GLRA2: variants seen among roughly 807,000 people sequenced by gnomAD.
GLRA2 encodes the protein glycine receptor alpha 2.
A neutral mutation model predicts 31.6 loss-of-function variants in GLRA2; 11 were observed. The ratio of observed to expected loss-of-function variants is 0.35; its 90% CI spans 0.22 to 0.58. The LOEUF is 0.58. Ranked by LOEUF, GLRA2 falls within the 20% of genes least tolerant of loss-of-function variation. The probability of loss-of-function intolerance (pLI) is 0.84; values close to 1 mark genes in which losing one functional copy is unlikely to be tolerated. For missense variants in GLRA2, 212 were observed against 351.8 expected, an observed-to-expected ratio of 0.60 and a Z score of 3.18; for synonymous variants, 132 against 134.0, an observed-to-expected ratio of 0.99 and a Z score of 0.10.
the GLRA2 span, among the ~76,000 whole-genome samples, chrX:14,498,439 TAGAA>T: frequency 2.7e-5 from 3 of 111,169 alleles, no homozygotes; most frequent in African/African-American, 6.5e-5. Context: ...TACCCCTTGA[TAGAA>T]AGTATTTTCC....
chrX:14,456,647 A>G, the GLRA2 span, among the ~76,000 whole-genome samples: 1 of 112,273 alleles, frequency 8.9e-6, no homozygotes, highest in African/African-American at 3.2e-5. Context: ...ACTTAACATA[A>G]TGTCCTCCAG....
chrX:14,648,886 A>T (rs1398236771), intron 7 of GLRA2, among the ~76,000 whole-genome samples: 1 of 112,186 alleles, frequency 8.9e-6, no homozygotes, highest in Non-Finnish European at 1.9e-5. Flanking sequence ...GTGGAAATGC[A>T]AAATGTTTAA....
chrX:14,567,968 T>C (rs1266559160), intron 2 of GLRA2, among the ~76,000 whole-genome samples: 2 of 111,702 alleles, frequency 1.8e-5, no homozygotes, highest in African/African-American at 6.5e-5. Flanking sequence ...GCTGAAAAAA[T>C]CAAAGAAGAC....
intron 7 of GLRA2, among the ~76,000 whole-genome samples, chrX:14,670,492 T>C (rs950600579): frequency 1.8e-5 from 2 of 112,059 alleles, no homozygotes; most frequent in African/African-American, 6.5e-5. Flanking sequence ...AATGGACTTA[T>C]AGTCCCACGT....
the GLRA2 span, among the ~76,000 whole-genome samples, chrX:14,479,055 G>A: frequency 9.1e-6 from 1 of 110,437 alleles, no homozygotes; most frequent in African/African-American, 3.3e-5. Flanking sequence ...GGGAGGGAAG[G>A]AGAGAGAAAG....
intron 7 of GLRA2, among the ~76,000 whole-genome samples, chrX:14,614,226 C>T (rs1390292752): frequency 1.8e-5 from 2 of 111,261 alleles, no homozygotes; most frequent in African/African-American, 6.5e-5. Context: ...GGAGGAAAGT[C>T]TCATGTGACC....
At chrX:14,597,092 ACT>A (rs762932342) in intron 4 of GLRA2, among the ~76,000 whole-genome samples, 12 of 111,003 alleles carry the variant, frequency 1.1e-4, no homozygotes, top group Admixed American at 9.6e-4. Flanking sequence ...TTAAGATGAC[ACT>A]CTTGTTTGAT....
At chrX:14,592,637 A>T (rs2090156662) in intron 4 of GLRA2, among the ~76,000 whole-genome samples, 1 of 111,250 alleles carries the variant, frequency 9.0e-6, no homozygotes, top group Admixed American at 9.6e-5. Context: ...ATGCCACTGC[A>T]CTCCGGCCTT....
At chrX:14,585,465 T>C in intron 4 of GLRA2, among the ~76,000 whole-genome samples, 2 of 112,143 alleles carry the variant, frequency 1.8e-5, no homozygotes, top group Middle Eastern at 4.6e-3. Context: ...CAGTCCTGTT[T>C]GTCAGTGGGC....
At chrX:14,718,121 C>T (rs749417706) in intron 8 of GLRA2, among the ~76,000 whole-genome samples, 6 of 110,762 alleles carry the variant, frequency 5.4e-5, no homozygotes, top group Non-Finnish European at 1.1e-4. Flanking sequence ...ATGATTGATT[C>T]CTATAGTAGG....
chrX:14,682,416 G>C (rs1218806496), intron 7 of GLRA2, among the ~76,000 whole-genome samples: 1 of 111,545 alleles, frequency 9.0e-6, no homozygotes, highest in Non-Finnish European at 1.9e-5. Context: ...TATTATGATT[G>C]TGGGTGAGTT....
At chrX:14,712,516 A>C (rs955794597) in intron 8 of GLRA2, among the ~76,000 whole-genome samples, 1 of 111,341 alleles carries the variant, frequency 9.0e-6, no homozygotes, top group Non-Finnish European at 1.9e-5. Context: ...GAAAAAAAAA[A>C]AACTATAGTT....
chrX:14,638,342 T>A (rs1195982621), intron 7 of GLRA2, among the ~76,000 whole-genome samples: 1 of 111,489 alleles, frequency 9.0e-6, no homozygotes, highest in East Asian at 2.8e-4. Flanking sequence ...TCATGGTATT[T>A]TTCCTTGCTT....
chrX:14,563,639 CTG>C (rs1335177932), intron 2 of GLRA2, among the ~76,000 whole-genome samples: 6 of 111,662 alleles, frequency 5.4e-5, no homozygotes, highest in Non-Finnish European at 1.1e-4. Flanking sequence ...AGTTCAGACA[CTG>C]GGCTTACTAA....
At chrX:14,628,636 T>C (rs1052980542) in intron 7 of GLRA2, among the ~76,000 whole-genome samples, 5 of 112,011 alleles carry the variant, frequency 4.5e-5, no homozygotes, top group African/African-American at 1.6e-4. Flanking sequence ...TAAGGCTTAA[T>C]AATAGGTACC....
intron 7 of GLRA2, among the ~76,000 whole-genome samples, chrX:14,613,837 C>G (rs1023226928): frequency 1.8e-4 from 20 of 111,400 alleles, no homozygotes; most frequent in African/African-American, 6.5e-4. Context: ...CCTCACTTGG[C>G]TATGTCTTCT....
chrX:14,489,102 C>A, the GLRA2 span, among the ~76,000 whole-genome samples: 1 of 112,049 alleles, frequency 8.9e-6, no homozygotes, highest in Admixed American at 9.5e-5. Context: ...TTTCAAATGT[C>A]TGCAAGTGTT....
the GLRA2 span, among the ~76,000 whole-genome samples, chrX:14,491,819 C>A: frequency 9.0e-6 from 1 of 111,648 alleles, no homozygotes; most frequent in African/African-American, 3.3e-5. Flanking sequence ...GATGTCAAGA[C>A]GTGGGTGTCC....
intron 2 of GLRA2, among the ~76,000 whole-genome samples, chrX:14,534,101 T>C (rs774745970): frequency 6.9e-4 from 77 of 110,830 alleles, no homozygotes; most frequent in Non-Finnish European, 3.2e-4. Flanking sequence ...CATTTCCACA[T>C]CCAATTTTTT....
Sources: gnomAD v4.1 joint callset for allele counts (sites outside exome capture counted in the v4.1 genomes callset) on GRCh38, gnomAD v4.1.1 for gene constraint, MANE v1.5 for transcripts, NCBI Gene and HGNC (gene_info 2026-07-23, HGNC 2026-07-21) for gene names.